TFPI: variants seen among roughly 807,000 people sequenced by gnomAD.
TFPI encodes anti-convertin.
A neutral mutation model predicts 34.6 loss-of-function variants in TFPI; 15 were observed. The ratio of observed to expected loss-of-function variants is 0.43; its 90% CI spans 0.29 to 0.67. TFPI has a LOEUF of 0.67. Ranked by LOEUF, TFPI falls within the 30% of genes least tolerant of loss-of-function variation. The pLI is 0.15. For synonymous variants in TFPI, 105 were observed against 120.1 expected, an observed-to-expected ratio of 0.87 and a Z score of 0.82; for missense variants, 301 against 364.0, an observed-to-expected ratio of 0.83 and a Z score of 1.41.
At chr2:187,490,767 T>C (rs1459447997) in intron 3 of TFPI, among the ~76,000 whole-genome samples, 1 of 151,770 alleles carries the variant, frequency 6.6e-6, no homozygotes, top group Non-Finnish European at 1.5e-5. Context: ...AGCAATTTGA[T>C]TTCTGTTTCT....
intron 6 of TFPI, chr2:187,478,453 A>T: frequency 2.2e-6 from 1 of 457,750 alleles, no homozygotes. Context: ...CAGGAAAAAA[A>T]TGACTTTTTT....
chr2:187,533,827 T>C (rs1688104074), intron 1 of TFPI, among the ~76,000 whole-genome samples: 1 of 152,074 alleles, frequency 6.6e-6, no homozygotes, highest in Admixed American at 6.6e-5. Flanking sequence ...GAAAAAAGTA[T>C]GGAGAAATTG....
At chr2:187,539,899 CTTTTTTTTT>C (rs527567767) in intron 1 of TFPI, among the ~76,000 whole-genome samples, 1 of 137,904 alleles carries the variant, frequency 7.3e-6, no homozygotes, top group African/African-American at 2.6e-5. Context: ...ACGTCATCTT[CTTTTTTTTT>C]TTTTTTTTTG....
rs71017396 is a variant in TFPI at position 187,504,566 on chromosome 2, G to GA, written c.-2-797dup. ...TGTTTAAAGATCTATCGCCAAAAAG[G>GA]AAAAAAAAAAAAAAGAAAAGAAAGA... On this transcript the variant is annotated intron_variant, in intron 1 of 7. Transcript: ENST00000233156. 2.8e-3 allele frequency among the ~76,000 whole-genome samples: 352 copies of GA among 123,822 alleles called. 1 individual carries two copies. The highest frequency in any genetic ancestry group is 0.015 in the South Asian group (59 of 4,042). 81.2% of individuals were successfully genotyped at this position (123,822 alleles called of 152,430 possible).
chr2:187,523,033 A>C (rs1687491266), intron 1 of TFPI, among the ~76,000 whole-genome samples: 3 of 152,074 alleles, frequency 2.0e-5, no homozygotes, highest in East Asian at 3.8e-4. Flanking sequence ...AAACTCATCA[A>C]ATTTTACATA....
At chr2:187,480,502 G>A (rs775524683) in intron 6 of TFPI, among the ~76,000 whole-genome samples, 2 of 152,148 alleles carry the variant, frequency 1.3e-5, no homozygotes, top group Admixed American at 1.3e-4. Context: ...ACAGCTATTA[G>A]TTGAAGAGTT....
At chr2:187,478,791 C>A in intron 6 of TFPI, 1 of 1,612,792 alleles carries the variant, frequency 6.2e-7, no homozygotes, top group South Asian at 1.1e-5. Flanking sequence ...ATCATTTGTT[C>A]CTTCTTTTGT....
intron 4 of TFPI, among the ~76,000 whole-genome samples, chr2:187,486,506 C>G (rs896772752): frequency 2.7e-5 from 4 of 146,424 alleles, no homozygotes; most frequent in Admixed American, 2.7e-4. Flanking sequence ...TAAAAATAAA[C>G]AAACAAAACC....
chr2:187,514,484 C>T (rs1336947356), intron 1 of TFPI: 1 of 152,260 alleles, frequency 6.6e-6, no homozygotes, highest in African/African-American at 2.4e-5. Flanking sequence ...CTTCCGTCTT[C>T]CAACACTAGG....
chr2:187,483,253 CTTT>C (rs150692346), intron 6 of TFPI, among the ~76,000 whole-genome samples: 3 of 148,344 alleles, frequency 2.0e-5, no homozygotes, highest in African/African-American at 7.4e-5. Context: ...AACACTGTTT[CTTT>C]TTTTTTTATT....
intron 1 of TFPI, among the ~76,000 whole-genome samples, chr2:187,525,178 T>A (rs10221647): frequency 0.019 from 2,824 of 152,154 alleles, 82 homozygotes; most frequent in African/African-American, 0.064. Context: ...AGCCCTAACC[T>A]ATAAGAAGTA....
intron 6 of TFPI, among the ~76,000 whole-genome samples, chr2:187,482,825 TAGGC>T (rs1692974453): frequency 1.3e-5 from 2 of 151,994 alleles, no homozygotes; most frequent in South Asian, 2.1e-4. Context: ...GGGTGTGAAA[TAGGC>T]AGGACTAAAG....
chr2:187,504,197 T>C (rs1202587586), intron 1 of TFPI, among the ~76,000 whole-genome samples: 2 of 152,192 alleles, frequency 1.3e-5, no homozygotes, highest in East Asian at 3.8e-4. Context: ...ATTTCTTTAA[T>C]GCAACTTTTA....
intron 3 of TFPI, among the ~76,000 whole-genome samples, chr2:187,490,631 A>G (rs879594944): frequency 6.6e-6 from 1 of 151,662 alleles, no homozygotes; most frequent in Non-Finnish European, 1.5e-5. Flanking sequence ...CCTATAGACA[A>G]CATGTAGTTA....
intron 1 of TFPI, among the ~76,000 whole-genome samples, chr2:187,531,006 C>CT (rs1687930437): frequency 6.6e-6 from 1 of 152,036 alleles, no homozygotes; most frequent in Non-Finnish European, 1.5e-5. Flanking sequence ...ATCATTTTTC[C>CT]TTTCTTCCAC....
At chr2:187,514,494 GTTCAC>G (rs759066303) in intron 1 of TFPI, 1 of 152,180 alleles carries the variant, frequency 6.6e-6, no homozygotes, top group Non-Finnish European at 1.5e-5. Context: ...CCAACACTAG[GTTCAC>G]TTCGTGTCTC....
At chr2:187,499,952 A>T (rs1036834174) in intron 2 of TFPI, among the ~76,000 whole-genome samples, 8 of 152,302 alleles carry the variant, frequency 5.3e-5, no homozygotes, top group Middle Eastern at 3.4e-3. Context: ...TGCCATGTAT[A>T]TTCAGAAAAA....
chr2:187,509,177 G>A (rs777655078), intron 1 of TFPI, among the ~76,000 whole-genome samples: 1 of 152,126 alleles, frequency 6.6e-6, no homozygotes, highest in Admixed American at 6.5e-5. Context: ...GCTTTTTGAG[G>A]TACTGCTGGA....
chr2:187,519,529 A>T (rs1163823242), intron 1 of TFPI: 4 of 153,260 alleles, frequency 2.6e-5, no homozygotes, highest in Non-Finnish European at 5.8e-5. Context: ...GCTTTGTCCC[A>T]GAGGGCACCT....
Sources: allele counts gnomAD v4.1 joint callset (sites outside exome capture counted in the v4.1 genomes callset), GRCh38; gene constraint gnomAD v4.1.1; transcripts MANE v1.5; gene names NCBI Gene and HGNC (gene_info 2026-07-23, HGNC 2026-07-21).